The following ZFAND6 variants were observed in gnomAD, a reference collection of about 807,000 sequenced individuals.
ZFAND6 encodes the protein zinc finger AN1-type containing 6.
In ZFAND6, 12 loss-of-function variants were observed where a neutral mutation model predicts 24.5. The observed-to-expected ratio is 0.49, with a 90% CI of 0.31 to 0.79. The LOEUF is 0.79. Among genes scored for constraint, ZFAND6 ranks in the 30% least tolerant of loss-of-function variants. The pLI is 0.04. For synonymous variants in ZFAND6, 92 were observed against 81.5 expected, an observed-to-expected ratio of 1.13 and a Z score of -0.69; for missense variants, 207 against 245.9, an observed-to-expected ratio of 0.84 and a Z score of 1.06.
At chr15:80,108,073 TAG>T (rs2039427648) in intron 2 of ZFAND6, among the ~76,000 whole-genome samples, 1 of 152,188 alleles carries the variant, frequency 6.6e-6, no homozygotes, top group African/African-American at 2.4e-5. Flanking sequence ...ACCTACTTAA[TAG>T]GACTATTATG....
At chr15:80,102,799 G>C (rs949728761) in intron 2 of ZFAND6, among the ~76,000 whole-genome samples, 8 of 152,092 alleles carry the variant, frequency 5.3e-5, no homozygotes, top group Non-Finnish European at 1.0e-4. Context: ...CAAAGGATAG[G>C]AACAAGCTAT....
intron 6 of ZFAND6, among the ~76,000 whole-genome samples, chr15:80,133,131 T>G (rs1433692921): frequency 1.3e-5 from 2 of 151,862 alleles, no homozygotes; most frequent in African/African-American, 2.4e-5. Context: ...ATCACAGCTT[T>G]TAGATTCTAA....
At chr15:80,107,218 A>C (rs2039377607) in intron 2 of ZFAND6, among the ~76,000 whole-genome samples, 1 of 152,172 alleles carries the variant, frequency 6.6e-6, no homozygotes, top group African/African-American at 2.4e-5. Flanking sequence ...TCCGTGTCAA[A>C]AAAAAAATAG....
intron 2 of ZFAND6, among the ~76,000 whole-genome samples, chr15:80,098,806 C>T (rs1265241176): frequency 6.6e-6 from 1 of 151,888 alleles, no homozygotes; most frequent in Non-Finnish European, 1.5e-5. Context: ...GACTACACAT[C>T]TTTTTTCAGA....
Position 80,137,786 on chromosome 15 carries a change from AT to A in ZFAND6, c.*161del. 1.5e-6 allele frequency: 1 copy of A among 648,014 alleles called. No individual in the cohort carries two copies. Among genetic ancestry groups the A allele is most frequent in the South Asian group, 3.1e-5 (1 of 32,686 alleles). The allele number at this position is 648,014 out of a possible 1,614,324, so 40.1% of individuals were successfully genotyped here. A position where few individuals can be genotyped will look rare whatever the true frequency, so the allele number is the denominator to read the frequency against. On this transcript the variant is annotated 3_prime_UTR_variant, in exon 7 of 7. Coordinates refer to ENST00000261749, the MANE Select transcript of ZFAND6 (RefSeq NM_019006.4). ...TTTTGTTTTGAAAATGACTCTGAAC[AT>A]TTATTTCCATTGCAATTTCTGTGGC...
chr15:80,060,819 G>C (rs1186773021), intron 1 of ZFAND6: 2 of 152,322 alleles, frequency 1.3e-5, no homozygotes, highest in Non-Finnish European at 2.9e-5. Flanking sequence ...CTACTGGGAG[G>C]CTGAGGCAGG....
At chr15:80,079,489 G>C (rs1281172930) in intron 1 of ZFAND6, among the ~76,000 whole-genome samples, 1 of 151,370 alleles carries the variant, frequency 6.6e-6, no homozygotes, top group Non-Finnish European at 1.5e-5. Context: ...CAAAGTGCTG[G>C]GATTACAGGC....
At chr15:80,114,762 A>G (rs1255836719) in intron 2 of ZFAND6, among the ~76,000 whole-genome samples, 2 of 152,220 alleles carry the variant, frequency 1.3e-5, no homozygotes, top group Admixed American at 6.5e-5. Context: ...GTCTTAAAGC[A>G]TTTAATCTTG....
chr15:80,083,053 G>A (rs191319010), intron 1 of ZFAND6, among the ~76,000 whole-genome samples: 18 of 152,068 alleles, frequency 1.2e-4, no homozygotes, highest in Admixed American at 9.8e-4. Flanking sequence ...GTGCAGTGGC[G>A]CGATCTTGGC....
chr15:80,084,003 C>T (rs984237331), intron 1 of ZFAND6, among the ~76,000 whole-genome samples: 1 of 152,134 alleles, frequency 6.6e-6, no homozygotes, highest in Admixed American at 6.6e-5. Flanking sequence ...TCTGATCACC[C>T]TGAGAGGATT....
chr15:80,068,292 C>T (rs1051056328), intron 1 of ZFAND6, among the ~76,000 whole-genome samples: 20 of 151,648 alleles, frequency 1.3e-4, no homozygotes, highest in Non-Finnish European at 1.9e-4. Flanking sequence ...GGACTACAGG[C>T]GCGCCACCAT....
rs1223286792 is a variant in ZFAND6 at position 80,122,794 on chromosome 15, G to T, written c.358G>T (p.Val120Leu). Residue 120 changes from valine (V) to leucine (L), a missense_variant, in exon 5 of 7, where the codon GTG (valine) becomes TTG (leucine). This residue lies in a region of ZFAND6 where 133 missense variants were observed against 122.8 expected (regional missense o/e 1.08). Transcript: ENST00000261749. The part of the protein sequence containing the change: ...VDKAVPETED[V>L]QASVSDTAQQ... ...CAAAGCAGTACCTGAAACAGAAGAT[G>T]TGCAGGGTTTGTATATGAACTAGCA... 11 of 1,611,048 alleles carry T rather than the reference G, an allele frequency of 6.8e-6. No homozygotes were observed. In the East Asian group the frequency reaches 2.5e-4, roughly 36 times the overall value.
intron 2 of ZFAND6, among the ~76,000 whole-genome samples, chr15:80,100,642 C>A (rs535780024): frequency 6.6e-6 from 1 of 152,316 alleles, no homozygotes; most frequent in African/African-American, 2.4e-5. Context: ...TTGCTCTACC[C>A]TTTACCTTAC....
At chr15:80,072,209 C>T (rs1445968041) in intron 1 of ZFAND6, among the ~76,000 whole-genome samples, 2 of 152,032 alleles carry the variant, frequency 1.3e-5, no homozygotes, top group African/African-American at 4.8e-5. Flanking sequence ...GTCTTTAAAG[C>T]ATAACTTCAC....
intron 1 of ZFAND6, among the ~76,000 whole-genome samples, chr15:80,070,713 T>C (rs868286088): frequency 7.9e-5 from 12 of 152,216 alleles, no homozygotes; most frequent in African/African-American, 2.4e-4. Context: ...AAGTGAAAAA[T>C]TGATGCGAGA....
intron 1 of ZFAND6, among the ~76,000 whole-genome samples, chr15:80,069,701 C>T (rs892493212): frequency 9.2e-5 from 14 of 152,052 alleles, no homozygotes; most frequent in South Asian, 4.2e-4. Context: ...GTCTGCTGCC[C>T]GGGTTCAAGC....
chr15:80,122,000 G>T (rs192469513), intron 4 of ZFAND6, among the ~76,000 whole-genome samples, 180 bp downstream of exon 4: 1 of 152,128 alleles, frequency 6.6e-6, no homozygotes, highest in Admixed American at 6.5e-5. Flanking sequence ...GAGGGATCGG[G>T]GGTTATCGTT....
intron 1 of ZFAND6, among the ~76,000 whole-genome samples, chr15:80,067,928 A>G (rs1012870314): frequency 6.6e-6 from 1 of 152,118 alleles, no homozygotes; most frequent in Non-Finnish European, 1.5e-5. Flanking sequence ...TTGTGTTAAA[A>G]TATACTATTA....
At chr15:80,127,007 C>T (rs1267352598) in intron 5 of ZFAND6, among the ~76,000 whole-genome samples, 1 of 151,948 alleles carries the variant, frequency 6.6e-6, no homozygotes, top group Admixed American at 6.6e-5. Context: ...GGTAGGGAGG[C>T]TGAGGTGGGA....
Sources: allele counts gnomAD v4.1 joint callset (sites outside exome capture counted in the v4.1 genomes callset), GRCh38; gene constraint gnomAD v4.1.1; regional missense constraint gnomAD v4.1.1; transcripts MANE v1.5; gene names NCBI Gene and HGNC (gene_info 2026-07-23, HGNC 2026-07-21).